MYLIP: variants seen among roughly 807,000 people sequenced by gnomAD.
MYLIP encodes myosin regulatory light chain interacting protein, also known as E3 ubiquitin-protein ligase MYLIP.
Under a neutral mutation model 45.8 loss-of-function variants are expected in MYLIP, and 26 were observed. That is an observed-to-expected ratio of 0.57 (90% confidence interval 0.42 to 0.79). MYLIP has a LOEUF of 0.79. Ranked by LOEUF, MYLIP falls within the 30% of genes least tolerant of loss-of-function variation. The pLI is 0.00. For synonymous variants in MYLIP, 213 were observed against 218.1 expected, an observed-to-expected ratio of 0.98 and a Z score of 0.21; for missense variants, 494 against 555.6, an observed-to-expected ratio of 0.89 and a Z score of 1.11.
At chr6:16,138,492 A>G (rs540949620) in intron 2 of MYLIP, among the ~76,000 whole-genome samples, 1 of 152,298 alleles carries the variant, frequency 6.6e-6, no homozygotes, top group East Asian at 1.9e-4. Context: ...TCTGTCTTGG[A>G]AAGAGCCTAT....
intron 2 of MYLIP, among the ~76,000 whole-genome samples, chr6:16,141,103 A>G (rs1759661945): frequency 6.6e-6 from 1 of 152,182 alleles, no homozygotes; most frequent in South Asian, 2.1e-4. Context: ...TTGGTTTTGA[A>G]TGAGCCAAAA....
intron 2 of MYLIP, among the ~76,000 whole-genome samples, chr6:16,132,583 C>CTTGGTT (rs1759479874): frequency 6.6e-6 from 1 of 152,102 alleles, no homozygotes. Context: ...TACTTGGTTT[C>CTTGGTT]ATGGGGTTGG....
intron 2 of MYLIP, among the ~76,000 whole-genome samples, chr6:16,140,889 CAT>C (rs1437260480): frequency 2.0e-4 from 31 of 152,154 alleles, no homozygotes; most frequent in Admixed American, 2.6e-4. Flanking sequence ...AGGCTGCCTG[CAT>C]GGAGTCTGGA....
intron 2 of MYLIP, among the ~76,000 whole-genome samples, chr6:16,132,587 G>A (rs940897388): frequency 6.6e-6 from 1 of 152,028 alleles, no homozygotes; most frequent in African/African-American, 2.4e-5. Context: ...TGGTTTCATG[G>A]GGTTGGCTGA....
At chr6:16,145,841 C>T (rs909274233) in intron 6 of MYLIP, among the ~76,000 whole-genome samples, 4 of 152,158 alleles carry the variant, frequency 2.6e-5, no homozygotes, top group Non-Finnish European at 4.4e-5. Context: ...GCAAGTCAAA[C>T]TAATTTTAAT....
intron 3 of MYLIP, 119 bp downstream of exon 3, chr6:16,141,929 T>G: frequency 2.1e-6 from 2 of 968,444 alleles, no homozygotes; most frequent in East Asian, 2.7e-5. Flanking sequence ...TTTTGAGCTC[T>G]CTGATGTTCG....
chr6:16,140,807 C>T (rs1366048641), intron 2 of MYLIP, among the ~76,000 whole-genome samples: 3 of 152,238 alleles, frequency 2.0e-5, no homozygotes, highest in South Asian at 4.1e-4. Flanking sequence ...CTTGGCAAGC[C>T]GTACAGATCC....
In MYLIP at chr6:16,146,859, T is replaced by C; in HGVS notation, c.*108T>C. ...TAATTATTCCAACACCCATCTGCCA[T>C]GCGATGTTAAAAAAAAAAAAAAGGA... is the stretch of plus-strand genomic sequence containing the variant. On this transcript the variant is annotated 3_prime_UTR_variant, in exon 7 of 7. Coordinates refer to ENST00000356840, the MANE Select transcript of MYLIP (RefSeq NM_013262.4). 4 of 899,900 alleles carry C rather than the reference T, an allele frequency of 4.4e-6. No homozygotes were observed. The South Asian group carries it at 6.1e-5, about 14-fold the overall frequency. 55.7% of individuals were successfully genotyped at this position (899,900 alleles called of 1,614,324 possible).
chr6:16,135,755 CTATA>C (rs10593630), intron 2 of MYLIP, among the ~76,000 whole-genome samples: 1,806 of 125,236 alleles, frequency 0.014, 48 homozygotes, highest in South Asian at 0.051. Flanking sequence ...ATACATATAT[CTATA>C]TATATATATA....
chr6:16,131,029 G>GAAAAAA (rs11394742), intron 2 of MYLIP, among the ~76,000 whole-genome samples: 79 of 115,228 alleles, frequency 6.9e-4, no homozygotes, highest in Middle Eastern at 5.1e-3. Flanking sequence ...GCTACCCCAG[G>GAAAAAA]AAAAAAAAAA....
At chr6:16,136,862 A>G (rs2113530237) in intron 2 of MYLIP, among the ~76,000 whole-genome samples, 1 of 152,296 alleles carries the variant, frequency 6.6e-6, no homozygotes, top group South Asian at 2.1e-4. Flanking sequence ...AAAGTGTCCA[A>G]GTCATTTACT....
chr6:16,130,525 G>T, intron 1 of MYLIP, 32 bp from the exon 2 acceptor site: 3 of 1,604,252 alleles, frequency 1.9e-6, no homozygotes, highest in Non-Finnish European at 1.7e-6. Flanking sequence ...CGTACCATTT[G>T]CTCATCCAGG....
the MYLIP span, among the ~76,000 whole-genome samples, chr6:16,156,040 GA>G: frequency 5.3e-5 from 8 of 152,164 alleles, no homozygotes; most frequent in Non-Finnish European, 1.0e-4. Context: ...CTGAAAAGGG[GA>G]TGGAGTGGGA....
rs988539217 is a variant in MYLIP at position 16,130,742 on chromosome 6, G to C, written c.273G>C (p.Gln91His). The part of the protein sequence containing the change: ...FVEPHLILQE[Q>H]TRHIFFLHIK... ...AGCCTCATCTCATCTTACAGGAGCA[G>C]ACTAGGTAAAGTGAGCTAAAATAAA... is the stretch of plus-strand genomic sequence containing the variant. The change falls in exon 2 of 7, where the codon CAG becomes CAC. Residue 91 changes from glutamine (Q) to histidine (H), a missense_variant. Physicochemically the swap from Gln to His is conservative, Grantham distance 24. Transcript: ENST00000356840. 8.1e-6 allele frequency: 13 copies of C among 1,613,284 alleles called. No individual in the cohort carries two copies. Among genetic ancestry groups the C allele is most frequent in the Admixed American group, 1.7e-5 (1 of 59,870 alleles).
At chr6:16,144,520 T>A (rs891803425) in intron 5 of MYLIP, among the ~76,000 whole-genome samples, 1 of 152,226 alleles carries the variant, frequency 6.6e-6, no homozygotes. Context: ...TTTTTTATTT[T>A]AAAATAGATA....
chr6:16,143,104 A>G lies in MYLIP; in HGVS notation c.549A>G (p.Glu183=), dbSNP rs912553206. 1 of 1,614,110 alleles carries G rather than the reference A, an allele frequency of 6.2e-7. No individual in the cohort carries two copies. Residue 183 remains glutamate, a synonymous_variant, in exon 4 of 7, where the codon GAA becomes GAG. Coordinates refer to ENST00000356840, the MANE Select transcript of MYLIP (RefSeq NM_013262.4). ...YQVLQIVSAM[E]NYGIEWHSVR... ...TTTTGCAGATTGTGTCGGCAATGGA[A>G]AACTATGGCATAGAATGGCATTCTG...
intron 6 of MYLIP, 77 bp from the exon 7 acceptor site, chr6:16,146,585 C>A: frequency 9.1e-7 from 1 of 1,102,324 alleles, no homozygotes; most frequent in Non-Finnish European, 1.4e-6. Context: ...GCACTAGAGA[C>A]CAGGGGTGTG....
At chr6:16,151,372 AAAG>A (rs1375435976), downstream of MYLIP, among the ~76,000 whole-genome samples, 2 of 150,294 alleles carry the variant, frequency 1.3e-5, no homozygotes, top group African/African-American at 5.0e-5. Flanking sequence ...AAAAAAGAAA[AAAG>A]AAAAAGAAAA....
chr6:16,133,326 G>A (rs1759493079), intron 2 of MYLIP, among the ~76,000 whole-genome samples: 1 of 152,162 alleles, frequency 6.6e-6, no homozygotes, highest in Admixed American at 6.5e-5. Flanking sequence ...TCCTAAATAT[G>A]TGTCTCTGAA....
Sources: gnomAD v4.1 joint callset for allele counts (sites outside exome capture counted in the v4.1 genomes callset) on GRCh38, gnomAD v4.1.1 for gene constraint, MANE v1.5 for transcripts, NCBI Gene and HGNC (gene_info 2026-07-23, HGNC 2026-07-21) for gene names.